The following C17orf67 variants were observed in gnomAD, a reference collection of about 807,000 sequenced individuals.
The protein encoded by C17orf67 is uncharacterized protein C17orf67.
In C17orf67, 12 loss-of-function variants were observed where a neutral mutation model predicts 11.2. The observed-to-expected ratio is 1.07, with a 90% CI of 0.68 to 1.73. The LOEUF is 1.73. Ranked by LOEUF, C17orf67 falls within the 40% of genes most tolerant of loss-of-function variation. C17orf67 has a pLI of 0.00. For missense variants in C17orf67, 115 were observed against 113.5 expected (o/e 1.01, Z -0.06); for synonymous variants, 59 against 46.9 (o/e 1.26, Z -1.05).
intron 6 of C17orf67, among the ~76,000 whole-genome samples, chr17:56,798,841 A>G (rs968839521): frequency 6.6e-6 from 1 of 152,012 alleles, no homozygotes; most frequent in African/African-American, 2.4e-5. Flanking sequence ...CTCAAAAAAG[A>G]TAAATAAACA....
chr17:56,824,201 G>A (rs1905971909), intron 4 of C17orf67, among the ~76,000 whole-genome samples: 2 of 152,190 alleles, frequency 1.3e-5, no homozygotes, highest in Admixed American at 1.3e-4. Flanking sequence ...ATAGGAGTGA[G>A]TTAGTTCTCC....
chr17:56,795,323 T>G, intron 6 of C17orf67, 143 bp from the exon 7 acceptor site: 4 of 708,238 alleles, frequency 5.6e-6, no homozygotes, highest in Non-Finnish European at 9.8e-6. Flanking sequence ...CACCCATGCC[T>G]CTCTGTAGGG....
chr17:56,819,555 T>TCA (rs1381819896), intron 4 of C17orf67, among the ~76,000 whole-genome samples: 1 of 152,114 alleles, frequency 6.6e-6, no homozygotes, highest in Non-Finnish European at 1.5e-5. Flanking sequence ...GGAGCCTGTA[T>TCA]CACACCCTGG....
intron 4 of C17orf67, among the ~76,000 whole-genome samples, chr17:56,824,101 T>C (rs990841537): frequency 1.3e-5 from 2 of 152,142 alleles, no homozygotes; most frequent in Non-Finnish European, 2.9e-5. Context: ...CCTTTAAGAG[T>C]TGATTAAGTC....
intron 6 of C17orf67, among the ~76,000 whole-genome samples, chr17:56,800,857 C>T (rs1185632118): frequency 6.6e-6 from 1 of 151,982 alleles, no homozygotes; most frequent in Non-Finnish European, 1.5e-5. Flanking sequence ...TAGTGGAGGT[C>T]GTAGGTGGGT....
rs761415419 is a variant in C17orf67 at position 56,833,070 on chromosome 17, G to A, written c.-729C>T. On this transcript the variant is annotated 5_prime_UTR_variant, in exon 2 of 8. Coordinates refer to ENST00000397861, the MANE Select transcript of C17orf67 (RefSeq NM_001085430.4). Reference sequence around the variant, plus strand: ...TTTCTTTCCATCTTTTATGCTAGAGGAAGTCCGCAAGCAACAAGTGGTCCT... The same window carrying A: ...TTTCTTTCCATCTTTTATGCTAGAGAAAGTCCGCAAGCAACAAGTGGTCCT... 3.3e-5 allele frequency: 5 copies of A among 152,200 alleles called. No individual in the cohort carries two copies. The highest frequency in any genetic ancestry group is 6.5e-5 in the Admixed American group (1 of 15,274). 9.4% of individuals were successfully genotyped at this position (152,200 alleles called of 1,614,324 possible).
intron 7 of C17orf67, 37 bp downstream of exon 7, chr17:56,795,007 C>T: frequency 6.8e-7 from 1 of 1,462,708 alleles, no homozygotes; most frequent in Non-Finnish European, 9.6e-7. Context: ...CCCACCACTC[C>T]CTCAGACAGA....
At chr17:56,811,599 T>A (rs950618442) in intron 6 of C17orf67, among the ~76,000 whole-genome samples, 1 of 152,212 alleles carries the variant, frequency 6.6e-6, no homozygotes, top group Admixed American at 6.5e-5. Flanking sequence ...GATAACCTCG[T>A]TAGTGAGCCC....
intron 2 of C17orf67, among the ~76,000 whole-genome samples, chr17:56,827,944 C>T (rs1304697511): frequency 6.6e-6 from 1 of 152,142 alleles, no homozygotes; most frequent in African/African-American, 2.4e-5. Context: ...CAGTGGCTCA[C>T]ACCTGTAATC....
At chr17:56,797,647 C>A (rs1905238149) in intron 6 of C17orf67, among the ~76,000 whole-genome samples, 1 of 152,162 alleles carries the variant, frequency 6.6e-6, no homozygotes, top group Admixed American at 6.5e-5. Flanking sequence ...AACAGAGGGC[C>A]ATGATAGGGC....
intron 4 of C17orf67, among the ~76,000 whole-genome samples, chr17:56,819,525 T>G (rs1293212001): frequency 6.6e-6 from 1 of 152,098 alleles, no homozygotes; most frequent in Non-Finnish European, 1.5e-5. Context: ...TGGACTGAGG[T>G]GGTGAGACTG....
chr17:56,815,353 G>A (rs1482049088), intron 5 of C17orf67, among the ~76,000 whole-genome samples: 1 of 152,106 alleles, frequency 6.6e-6, no homozygotes, highest in East Asian at 1.9e-4. Context: ...GATGCCCAGT[G>A]ATAATAAGAT....
intron 5 of C17orf67, 95 bp from the exon 6 acceptor site, chr17:56,815,064 T>C: frequency 9.0e-7 from 1 of 1,106,398 alleles, no homozygotes; most frequent in Non-Finnish European, 1.4e-6. Flanking sequence ...AAGTTCAATT[T>C]TGGTTAAAAC....
intron 6 of C17orf67, among the ~76,000 whole-genome samples, chr17:56,814,200 T>C (rs570621123): frequency 6.6e-6 from 1 of 152,166 alleles, no homozygotes; most frequent in Non-Finnish European, 1.5e-5. Flanking sequence ...CTAACTTTGC[T>C]GGGTCACTGC....
At chr17:56,818,811 A>G (rs2144140179) in intron 4 of C17orf67, among the ~76,000 whole-genome samples, 1 of 151,446 alleles carries the variant, frequency 6.6e-6, no homozygotes, top group African/African-American at 2.4e-5. Flanking sequence ...ACACTTATAC[A>G]TTTCAAGTGC....
At chr17:56,824,098 G>A (rs1478293507) in intron 4 of C17orf67, among the ~76,000 whole-genome samples, 1 of 152,222 alleles carries the variant, frequency 6.6e-6, no homozygotes, top group Non-Finnish European at 1.5e-5. Context: ...GGGCCTTTAA[G>A]AGTTGATTAA....
At chr17:56,795,228 C>G in intron 6 of C17orf67, 48 bp from the exon 7 acceptor site, 1 of 1,551,188 alleles carries the variant, frequency 6.4e-7, no homozygotes. Flanking sequence ...CAGTGACAGC[C>G]AAGGGATCAA....
intron 6 of C17orf67, among the ~76,000 whole-genome samples, chr17:56,806,208 T>G (rs987366140): frequency 8.5e-5 from 13 of 152,076 alleles, no homozygotes; most frequent in African/African-American, 2.9e-4. Context: ...TCTCCTGACC[T>G]CATGATCCGG....
intron 2 of C17orf67, among the ~76,000 whole-genome samples, chr17:56,831,453 T>G (rs145805496): frequency 6.6e-6 from 1 of 152,230 alleles, no homozygotes; most frequent in Non-Finnish European, 1.5e-5. Context: ...CTTTTGACAC[T>G]AGAGTAGAAA....
Sources: allele counts gnomAD v4.1 joint callset (sites outside exome capture counted in the v4.1 genomes callset), GRCh38; gene constraint gnomAD v4.1.1; transcripts MANE v1.5; gene names NCBI Gene and HGNC (gene_info 2026-07-23, HGNC 2026-07-21).